The following DLGAP2 variants were observed in gnomAD, a reference collection of about 807,000 sequenced individuals.
The protein encoded by DLGAP2 is disks large-associated protein 2.
DLGAP2 carries 26 observed loss-of-function variants against 100.3 expected under a neutral mutation model. That is an observed-to-expected ratio of 0.26 (90% confidence interval 0.19 to 0.36). DLGAP2 has a LOEUF of 0.36. DLGAP2 is among the 10% of genes least tolerant of loss of function. The pLI is 1.00. For synonymous variants in DLGAP2, 886 were observed against 630.1 expected (o/e 1.41, Z -6.08); for missense variants, 1,858 against 1,453.2 (o/e 1.28, Z -4.53).
intron 2 of DLGAP2, chr8:1,032,480 C>G (rs761702482): frequency 2.0e-5 from 3 of 152,236 alleles, no homozygotes; most frequent in Non-Finnish European, 4.4e-5. Context: ...GAAAAATGAC[C>G]TTGACATGCT....
intron 8 of DLGAP2, among the ~76,000 whole-genome samples, chr8:1,644,471 T>G (rs1797992584): frequency 1.3e-5 from 2 of 152,208 alleles, no homozygotes; most frequent in Non-Finnish European, 2.9e-5. Flanking sequence ...CCGCAGTTTC[T>G]TCCTTGAGTT....
intron 3 of DLGAP2, among the ~76,000 whole-genome samples, chr8:1,425,053 T>TA (rs35897983): frequency 3.9e-5 from 6 of 152,242 alleles, no homozygotes; most frequent in Non-Finnish European, 5.9e-5. Flanking sequence ...TTTAAACATT[T>TA]AAAAAATTTT....
chr8:1,040,436 G>T (rs185887325), intron 2 of DLGAP2, among the ~76,000 whole-genome samples: 2 of 148,120 alleles, frequency 1.4e-5, no homozygotes, highest in Admixed American at 6.7e-5. Context: ...CTCAATGTGC[G>T]TGGTCGGCTC....
At chr8:1,630,356 CACTT>C (rs1234126696) in intron 7 of DLGAP2, among the ~76,000 whole-genome samples, 1 of 152,078 alleles carries the variant, frequency 6.6e-6, no homozygotes, top group Non-Finnish European at 1.5e-5. Flanking sequence ...GAATTACTAA[CACTT>C]AGGGGCTCTG....
chr8:1,439,872 G>T (rs921710694), intron 3 of DLGAP2, among the ~76,000 whole-genome samples: 4 of 152,166 alleles, frequency 2.6e-5, no homozygotes, highest in African/African-American at 9.7e-5. Flanking sequence ...TGTGTGAAGA[G>T]ACATGAGACT....
chr8:1,225,470 T>C (rs1798395087), intron 2 of DLGAP2, among the ~76,000 whole-genome samples: 1 of 152,186 alleles, frequency 6.6e-6, no homozygotes, highest in African/African-American at 2.4e-5. Flanking sequence ...GGGTTTCCTT[T>C]TGGACTGATG....
intron 2 of DLGAP2, among the ~76,000 whole-genome samples, chr8:1,025,092 ATG>A (rs1275018788): frequency 1.3e-5 from 2 of 148,772 alleles, no homozygotes; most frequent in East Asian, 3.9e-4. Flanking sequence ...GTGCGCGTGT[ATG>A]TGTGTGCGTG....
At chr8:804,326 A>C (rs994717413) in intron 1 of DLGAP2, among the ~76,000 whole-genome samples, 3 of 152,230 alleles carry the variant, frequency 2.0e-5, no homozygotes, top group Non-Finnish European at 2.9e-5. Context: ...TGAGACTCTT[A>C]TGTAAGTTCA....
At chr8:856,439 C>T (rs542653826) in intron 1 of DLGAP2, among the ~76,000 whole-genome samples, 5 of 152,184 alleles carry the variant, frequency 3.3e-5, no homozygotes, top group East Asian at 1.9e-4. Flanking sequence ...CTGCCCACCT[C>T]GGCCTCCCAT....
intron 1 of DLGAP2, among the ~76,000 whole-genome samples, chr8:903,856 C>T (rs1333179620): frequency 6.6e-6 from 1 of 152,226 alleles, no homozygotes; most frequent in African/African-American, 2.4e-5. Flanking sequence ...TATGCAGCCG[C>T]AGCAGACTGC....
intron 5 of DLGAP2, among the ~76,000 whole-genome samples, chr8:1,563,758 A>G (rs1302596015): frequency 6.6e-6 from 1 of 152,094 alleles, no homozygotes; most frequent in East Asian, 1.9e-4. Context: ...GTGGCATGGC[A>G]TTTAGGAATG....
chr8:958,544 T>C (rs933993446), intron 2 of DLGAP2, among the ~76,000 whole-genome samples: 1 of 148,330 alleles, frequency 6.7e-6, no homozygotes, highest in Non-Finnish European at 1.5e-5. Context: ...TTCCAGTGAT[T>C]GTAATGCCAT....
chr8:1,159,251 A>C (rs1015964513), intron 2 of DLGAP2, among the ~76,000 whole-genome samples: 4 of 152,250 alleles, frequency 2.6e-5, no homozygotes, highest in Non-Finnish European at 5.9e-5. Context: ...CTATGAAATC[A>C]AATTACTGCT....
At chr8:1,123,246 G>A (rs143531005) in intron 2 of DLGAP2, among the ~76,000 whole-genome samples, 1 of 152,286 alleles carries the variant, frequency 6.6e-6, no homozygotes, top group East Asian at 1.9e-4. Flanking sequence ...ATTCTAAAAT[G>A]TAAAGCAAAG....
intron 3 of DLGAP2, among the ~76,000 whole-genome samples, chr8:1,341,024 C>G (rs1801404817): frequency 6.6e-6 from 1 of 152,032 alleles, no homozygotes; most frequent in Non-Finnish European, 1.5e-5. Flanking sequence ...TAAGTAGGAG[C>G]TAAATGATGA....
chr8:1,571,084 G>C (rs191580070), intron 6 of DLGAP2, among the ~76,000 whole-genome samples: 6 of 133,766 alleles, frequency 4.5e-5, no homozygotes, highest in African/African-American at 1.8e-4. Context: ...ATGGGGAGGA[G>C]AGAGGGTGAA....
At chr8:1,182,755 A>G (rs1797417769) in intron 2 of DLGAP2, among the ~76,000 whole-genome samples, 1 of 152,198 alleles carries the variant, frequency 6.6e-6, no homozygotes, top group Non-Finnish European at 1.5e-5. Flanking sequence ...TGCAGAGCTC[A>G]CACTATCGAG....
At chr8:1,464,349 G>GACGATACCCTTCCAGGACAA (rs1798557259) in intron 3 of DLGAP2, among the ~76,000 whole-genome samples, 6 of 74,676 alleles carry the variant, frequency 8.0e-5, no homozygotes, top group East Asian at 8.9e-4. Flanking sequence ...TTCCAGGACG[G>GACGATACCCTTCCAGGACAA]CACCCTTCCA....
chr8:1,047,070 C>T (rs1802537076), intron 2 of DLGAP2, among the ~76,000 whole-genome samples: 1 of 152,164 alleles, frequency 6.6e-6, no homozygotes, highest in African/African-American at 2.4e-5. Flanking sequence ...GTTGTGCAGC[C>T]ATCACCACTA....
Sources: gnomAD v4.1 joint callset for allele counts (sites outside exome capture counted in the v4.1 genomes callset) on GRCh38, gnomAD v4.1.1 for gene constraint, MANE v1.5 for transcripts, NCBI Gene and HGNC (gene_info 2026-07-23, HGNC 2026-07-21) for gene names.